Variants in WDR17 observed in about 807,000 individuals in gnomAD.
WDR17 encodes the protein WD repeat domain 17, also known as WD repeat-containing protein 17.
WDR17 carries 143 observed loss-of-function variants against 161.7 expected under a neutral mutation model. The observed-to-expected ratio is 0.88, with a 90% CI of 0.77 to 1.02. The LOEUF is 1.02. Among genes scored for constraint, WDR17 ranks in the 50% least tolerant of loss-of-function variants. The probability of loss-of-function intolerance (pLI) is 0.00; values close to 1 mark genes in which losing one functional copy is unlikely to be tolerated. For synonymous variants in WDR17, 517 were observed against 515.6 expected (o/e 1.00, Z -0.04); for missense variants, 1,469 against 1,520.9 (o/e 0.97, Z 0.57).
At chr4:176,166,027 C>G in intron 22 of WDR17, 2 of 600,642 alleles carry the variant, frequency 3.3e-6, no homozygotes, top group Non-Finnish European at 5.6e-6. Flanking sequence ...AATTTTTAAG[C>G]TATAAACAGC....
intron 18 of WDR17, among the ~76,000 whole-genome samples, chr4:176,157,983 G>A (rs1268255112): frequency 6.6e-6 from 1 of 152,194 alleles, no homozygotes; most frequent in Non-Finnish European, 1.5e-5. Context: ...GCTGTAGCTG[G>A]AGTGCAGGAG....
At position 176,157,073 on chromosome 4, in the gene WDR17, C is replaced by T. The variant is rs944609176; in HGVS notation, c.2525+930C>T. ...CATATATGGTTACATTCACAGGTAT[C>T]GTGGGTTAGGACTTCAACATATTGT... On this transcript the variant is annotated intron_variant, in intron 18 of 28. Coordinates refer to ENST00000508596, the MANE Select transcript of WDR17 (RefSeq NM_181265.4). Among the ~76,000 whole-genome samples, 19 of 152,118 alleles carry T rather than the reference C, an allele frequency of 1.2e-4. 2 individuals are homozygous for T. The highest frequency in any genetic ancestry group is 1.2e-3 in the Admixed American group (18 of 15,270).
At chr4:176,156,556 G>A (rs1416624030) in intron 18 of WDR17, among the ~76,000 whole-genome samples, 1 of 151,982 alleles carries the variant, frequency 6.6e-6, no homozygotes, top group Non-Finnish European at 1.5e-5. Flanking sequence ...ATGGATATGA[G>A]GGAGGCACTG....
At chr4:176,141,513 T>C (rs1745250109) in intron 10 of WDR17, among the ~76,000 whole-genome samples, 1 of 152,212 alleles carries the variant, frequency 6.6e-6, no homozygotes, top group Non-Finnish European at 1.5e-5. Flanking sequence ...CACTGCAACC[T>C]TCACCTCCTG....
At chr4:176,082,397 T>A (rs1399072895) in intron 1 of WDR17, among the ~76,000 whole-genome samples, 2 of 152,128 alleles carry the variant, frequency 1.3e-5, no homozygotes, top group Non-Finnish European at 2.9e-5. Context: ...CATTATTGAC[T>A]AATTGAGAAT....
At chr4:176,120,319 T>TATATATATATATATATATATATATAA (rs1491272016) in intron 4 of WDR17, among the ~76,000 whole-genome samples, 7 of 138,786 alleles carry the variant, frequency 5.0e-5, no homozygotes, top group African/African-American at 1.6e-4. Context: ...TATATATATA[T>TATATATATATATATATATATATATAA]AATACATTCA....
intron 4 of WDR17, among the ~76,000 whole-genome samples, chr4:176,123,640 A>G (rs990466116): frequency 6.6e-6 from 1 of 152,204 alleles, no homozygotes; most frequent in Non-Finnish European, 1.5e-5. Flanking sequence ...GGCAAGGCAT[A>G]TGGGAAAGGA....
chr4:176,147,235 A>G (rs1275942524), intron 12 of WDR17, among the ~76,000 whole-genome samples: 5 of 152,136 alleles, frequency 3.3e-5, no homozygotes, highest in Admixed American at 1.3e-4. Flanking sequence ...TATCTCCTAT[A>G]TAGTGCAAAA....
intron 3 of WDR17, among the ~76,000 whole-genome samples, chr4:176,118,495 A>C (rs748722636): frequency 1.3e-5 from 2 of 152,168 alleles, no homozygotes; most frequent in Admixed American, 6.5e-5. Context: ...ATTATGGGTC[A>C]GGCCCTGAAG....
Position 176,154,568 on chromosome 4 carries a change from A to G in WDR17, c.2461-1511A>G, listed in dbSNP as rs189232747. ...GAATGTTGTTTATTTTTTTAAGCTTATCTATTAGACATGTTTCTATTGAAA... is the reference window on the plus strand; with the variant it reads ...GAATGTTGTTTATTTTTTTAAGCTTGTCTATTAGACATGTTTCTATTGAAA... On this transcript the variant is annotated intron_variant, in intron 17 of 28. Coordinates refer to ENST00000508596, the MANE Select transcript of WDR17 (RefSeq NM_181265.4). Among the ~76,000 whole-genome samples, 559 of 152,324 alleles carry G rather than the reference A, an allele frequency of 3.7e-3. 5 individuals carry two copies. The highest frequency in any genetic ancestry group is 0.012 in the African/African-American group (511 of 41,564).
At chr4:176,114,332 T>C (rs543656877) in intron 2 of WDR17, among the ~76,000 whole-genome samples, 2 of 152,250 alleles carry the variant, frequency 1.3e-5, no homozygotes, top group Non-Finnish European at 2.9e-5. Context: ...TTATGTTTAC[T>C]AATGTTTTAA....
chr4:176,095,835 AG>A (rs1257239173), intron 1 of WDR17, among the ~76,000 whole-genome samples: 1 of 152,120 alleles, frequency 6.6e-6, no homozygotes, highest in Non-Finnish European at 1.5e-5. Context: ...AATATTCTCC[AG>A]TGTAGGAAGA....
At chr4:176,078,437 G>A (rs914161163) in intron 1 of WDR17, among the ~76,000 whole-genome samples, 2 of 152,110 alleles carry the variant, frequency 1.3e-5, no homozygotes. Flanking sequence ...GGGAATGGAG[G>A]TGGTGGGGAG....
chr4:176,111,929 T>A (rs1296100896), intron 2 of WDR17, among the ~76,000 whole-genome samples: 1 of 152,212 alleles, frequency 6.6e-6, no homozygotes, highest in Admixed American at 6.5e-5. Flanking sequence ...AAAATTCTTT[T>A]TTCAGTTGAA....
At chr4:176,163,441 T>A (rs957523157) in intron 22 of WDR17, 148 bp downstream of exon 22, 4 of 997,718 alleles carry the variant, frequency 4.0e-6, no homozygotes, top group African/African-American at 3.3e-5. Flanking sequence ...AATAATGATA[T>A]AACAATGTCA....
chr4:176,179,362 A>G, intron 28 of WDR17, 98 bp from the exon 29 acceptor site: 1 of 1,242,770 alleles, frequency 8.0e-7, no homozygotes, highest in Non-Finnish European at 1.0e-6. Context: ...CCTAAATATT[A>G]TGTTTTTTTT....
rs141581111 is a variant in WDR17, at chr4:176,078,772, G to C, written c.-7+12693G>C. Among the ~76,000 whole-genome samples the C allele has an allele frequency of 4.5e-3, 679 of 151,872 alleles. 8 individuals carry two copies. Among genetic ancestry groups the C allele is most frequent in the African/African-American group, 0.016 (659 of 41,358 alleles). ...AATTTATTTTGTTCATTAAAACATA[G>C]TTATATGTATTTATGGGGCACATAT... On this transcript the variant is annotated intron_variant, in intron 1 of 28. Transcript: ENST00000508596.
intron 23 of WDR17, among the ~76,000 whole-genome samples, chr4:176,171,706 A>G (rs1054086882): frequency 1.3e-5 from 2 of 152,184 alleles, no homozygotes; most frequent in African/African-American, 4.8e-5. Context: ...TTAATGCTTA[A>G]TACATTATAA....
chr4:176,155,545 G>GTTTTTTTTTTTTTTTTTTTTTTTTTT lies in WDR17; in HGVS notation c.2461-518_2461-517insTTTTTTTTTTTTTTTTTTTTTTTTTT, dbSNP rs869207103. ...TTTGTTTTTTTGTTTATTTGTTTGT[G>GTTTTTTTTTTTTTTTTTTTTTTTTTT]TTTTTTTTTTTTTTTTGGAGACGAA... is the stretch of plus-strand genomic sequence containing the variant. On this transcript the variant is annotated intron_variant, in intron 17 of 28. Coordinates refer to ENST00000508596, the MANE Select transcript of WDR17 (RefSeq NM_181265.4). Among the ~76,000 whole-genome samples the GTTTTTTTTTTTTTTTTTTTTTTTTTT allele has an allele frequency of 4.8e-5, 5 of 105,248 alleles. 1 individual carries two copies. The highest frequency in any genetic ancestry group is 2.0e-4 in the African/African-American group (5 of 25,624). 69.0% of individuals were successfully genotyped at this position (105,248 alleles called of 152,430 possible). A position where few individuals can be genotyped will look rare whatever the true frequency, so the allele number is the denominator to read the frequency against.
Sources: allele counts gnomAD v4.1 joint callset (sites outside exome capture counted in the v4.1 genomes callset), GRCh38; gene constraint gnomAD v4.1.1; transcripts MANE v1.5; gene names NCBI Gene and HGNC (gene_info 2026-07-23, HGNC 2026-07-21).